The following RCAN1 variants were observed in gnomAD, a reference collection of about 807,000 sequenced individuals.
RCAN1 encodes calcipressin-1.
Under a neutral mutation model 22.9 loss-of-function variants are expected in RCAN1, and 11 were observed. That is an observed-to-expected ratio of 0.48 (90% CI 0.30 to 0.79). The LOEUF (loss-of-function observed/expected upper bound fraction) is 0.79. Among genes scored for constraint, RCAN1 ranks in the 30% least tolerant of loss-of-function variants. The probability of loss-of-function intolerance (pLI) is 0.06; values close to 1 mark genes in which losing one functional copy is unlikely to be tolerated. For synonymous variants in RCAN1, 136 were observed against 142.3 expected (o/e 0.96, Z 0.32); for missense variants, 291 against 337.8 (o/e 0.86, Z 1.09).
At chr21:34,595,203 C>T (rs955015509) in intron 1 of RCAN1, among the ~76,000 whole-genome samples, 4 of 152,156 alleles carry the variant, frequency 2.6e-5, no homozygotes, top group Non-Finnish European at 4.4e-5. Context: ...TACACACACA[C>T]CTGGAAACCA....
At chr21:34,560,165 G>A (rs1986766476) in intron 1 of RCAN1, 1 of 152,194 alleles carries the variant, frequency 6.6e-6, no homozygotes, top group African/African-American at 2.4e-5. Flanking sequence ...GAGCAAAAGA[G>A]GATGCACAAA....
At chr21:34,557,226 A>G (rs985796780) in intron 1 of RCAN1, among the ~76,000 whole-genome samples, 2 of 152,166 alleles carry the variant, frequency 1.3e-5, no homozygotes, top group African/African-American at 4.8e-5. Flanking sequence ...AAATAAAATA[A>G]AATTAAATTA....
At chr21:34,607,256 C>T (rs1988556157) in intron 1 of RCAN1, among the ~76,000 whole-genome samples, 1 of 152,104 alleles carries the variant, frequency 6.6e-6, no homozygotes, top group Non-Finnish European at 1.5e-5. Context: ...TGAAGTGTTC[C>T]ATGTTAAACT....
chr21:34,600,056 C>A (rs1029624108), intron 1 of RCAN1, among the ~76,000 whole-genome samples: 7 of 152,154 alleles, frequency 4.6e-5, no homozygotes, highest in Admixed American at 4.6e-4. Context: ...ACCAAGAGTC[C>A]AGATCACGCT....
At chr21:34,580,306 C>T (rs1987559465) in intron 1 of RCAN1, among the ~76,000 whole-genome samples, 2 of 152,198 alleles carry the variant, frequency 1.3e-5, no homozygotes, top group South Asian at 4.1e-4. Flanking sequence ...GCATTCAGGC[C>T]TGATAGTAGG....
At chr21:34,597,377 G>A (rs1198179187) in intron 1 of RCAN1, among the ~76,000 whole-genome samples, 3 of 152,190 alleles carry the variant, frequency 2.0e-5, no homozygotes, top group African/African-American at 7.2e-5. Flanking sequence ...TTACTGCAGT[G>A]GACAGTGCGG....
rs73367109 is a variant in RCAN1, at chr21:34,518,356, G to A, written c.587-100C>T. On this transcript the variant is annotated intron_variant, in intron 3 of 3. Transcript: ENST00000313806. The surrounding 1 kb of genome is among the most constrained non-coding windows in gnomAD (Gnocchi z 4.2). ...CAGGGCTCTGCTGGGCCAGCTGCTC[G>A]TGACCATTCGATTGGGCTGAGAGAC... The A allele has an allele frequency of 0.014, 17,416 of 1,269,212 alleles. 687 individuals carry two copies. Among genetic ancestry groups the A allele is most frequent in the African/African-American group, 0.096 (6,487 of 67,442 alleles). The allele number at this position is 1,269,212 out of a possible 1,614,324, so 78.6% of individuals were successfully genotyped here.
At chr21:34,527,936 C>G (rs1683016540) in intron 1 of RCAN1, among the ~76,000 whole-genome samples, 2 of 151,844 alleles carry the variant, frequency 1.3e-5, no homozygotes, top group Non-Finnish European at 1.5e-5. Flanking sequence ...GGGAAGATGC[C>G]TGGTTTGGAG....
intron 1 of RCAN1, among the ~76,000 whole-genome samples, chr21:34,576,576 G>A (rs139466493): frequency 1.3e-5 from 2 of 152,268 alleles, no homozygotes; most frequent in East Asian, 1.9e-4. Context: ...AAAATAAAAC[G>A]CAAATCAGCC....
chr21:34,536,600 A>G (rs1985682118), intron 1 of RCAN1, among the ~76,000 whole-genome samples: 1 of 152,160 alleles, frequency 6.6e-6, no homozygotes, highest in African/African-American at 2.4e-5. Context: ...GCAGCATTCC[A>G]TACTCTCCTT....
intron 1 of RCAN1, among the ~76,000 whole-genome samples, chr21:34,546,036 G>A (rs142722376): frequency 6.6e-6 from 1 of 152,236 alleles, no homozygotes; most frequent in Non-Finnish European, 1.5e-5. Context: ...GTTGAAAAAC[G>A]CTCATAGAAA....
chr21:34,599,375 G>A (rs1478419369), intron 1 of RCAN1, among the ~76,000 whole-genome samples: 2 of 152,160 alleles, frequency 1.3e-5, no homozygotes, highest in Admixed American at 6.5e-5. Context: ...TCAGGAGGCT[G>A]AGGCAGGAGA....
At chr21:34,543,627 G>A (rs9636880) in intron 1 of RCAN1, among the ~76,000 whole-genome samples, 10,749 of 152,272 alleles carry the variant, frequency 0.071, 512 homozygotes, top group East Asian at 0.14. Context: ...CTGGAGAAAG[G>A]TAGCTTTATA....
At position 34,613,646 on chromosome 21, in the gene RCAN1, G is replaced by A. The variant is rs192688416; in HGVS notation, c.252+1114C>T. The A allele has an allele frequency of 6.6e-5, 69 of 1,052,676 alleles. No individual in the cohort carries two copies. The African/African-American group carries it at 9.2e-4, about 14-fold the overall frequency. 65.2% of individuals were successfully genotyped at this position (1,052,676 alleles called of 1,614,324 possible). A position where few individuals can be genotyped will look rare whatever the true frequency, so the allele number is the denominator to read the frequency against. On this transcript the variant is annotated intron_variant, in intron 1 of 3. Transcript: ENST00000313806. ...TATATGGAGAGGAAAAGGTTTTAGA[G>A]TAAGATCAATCAGTAAGACCCTGAG...
chr21:34,592,396 G>T (rs1232849048), intron 1 of RCAN1, among the ~76,000 whole-genome samples: 1 of 152,188 alleles, frequency 6.6e-6, no homozygotes, highest in Non-Finnish European at 1.5e-5. Context: ...GCTAAAAAAA[G>T]CTTCGATAAA....
chr21:34,607,767 G>A (rs1338818562), intron 1 of RCAN1, among the ~76,000 whole-genome samples: 1 of 152,216 alleles, frequency 6.6e-6, no homozygotes. Flanking sequence ...TCTAACTGTG[G>A]TAGGCAGCCT....
At chr21:34,606,138 AAAC>A (rs1761428890) in intron 1 of RCAN1, among the ~76,000 whole-genome samples, 1 of 152,170 alleles carries the variant, frequency 6.6e-6, no homozygotes, top group South Asian at 2.1e-4. Context: ...CCTGATAAGT[AAAC>A]AACAATGAGA....
intron 1 of RCAN1, among the ~76,000 whole-genome samples, chr21:34,573,014 G>C (rs886536756): frequency 6.6e-6 from 1 of 152,124 alleles, no homozygotes; most frequent in Non-Finnish European, 1.5e-5. Context: ...GATTTGGATG[G>C]GGACACAGAG....
At chr21:34,598,423 G>A (rs1442572572) in intron 1 of RCAN1, among the ~76,000 whole-genome samples, 1 of 152,222 alleles carries the variant, frequency 6.6e-6, no homozygotes, top group African/African-American at 2.4e-5. Flanking sequence ...TGATCATTTA[G>A]GTGGTATTTC....
Sources: allele counts gnomAD v4.1 joint callset (sites outside exome capture counted in the v4.1 genomes callset), GRCh38; gene constraint gnomAD v4.1.1; non-coding constraint Gnocchi (gnomAD v3.1); transcripts MANE v1.5; gene names NCBI Gene and HGNC (gene_info 2026-07-23, HGNC 2026-07-21).